The following SIK3 variants were observed in gnomAD, a reference collection of about 807,000 sequenced individuals.
The protein encoded by SIK3 is serine/threonine-protein kinase SIK3.
In SIK3, 28 loss-of-function variants were observed where a neutral mutation model predicts 144.2. That is an observed-to-expected ratio of 0.19 (90% CI 0.14 to 0.27). The LOEUF (loss-of-function observed/expected upper bound fraction) is 0.27, where lower values mean the gene tolerates loss of function less well. Among genes scored for constraint, SIK3 ranks in the 10% least tolerant of loss-of-function variants. SIK3 has a pLI of 1.00. For synonymous variants in SIK3, 686 were observed against 676.3 expected (o/e 1.01, Z -0.22); for missense variants, 1,319 against 1,776.0 (o/e 0.74, Z 4.62).
intron 1 of SIK3, among the ~76,000 whole-genome samples, chr11:116,972,086 CAA>C (rs35775477): frequency 8.1e-4 from 91 of 111,934 alleles, no homozygotes; most frequent in African/African-American, 9.1e-4. Context: ...GACTCGGTCT[CAA>C]AAAAAAAAAA....
In SIK3 at chr11:116,862,190, G is replaced by A; in HGVS notation, c.2229+12C>T. On this transcript the variant is annotated intron_variant, in intron 17 of 24. Coordinates refer to ENST00000445177, the MANE Select transcript of SIK3 (RefSeq NM_001366686.3). ...CCAAACAAGTTGGAGAAAGCAAAGA[G>A]TGAGGGCCTACTTGAATTTGTTGCT... The A allele has an allele frequency of 6.2e-7, 1 of 1,614,206 alleles. No homozygotes were observed.
chr11:117,017,432 T>C (rs1951584610), intron 1 of SIK3, among the ~76,000 whole-genome samples: 1 of 151,954 alleles, frequency 6.6e-6, no homozygotes, highest in African/African-American at 2.4e-5. Context: ...TATTTTATTA[T>C]ACACTTTTCA....
At chr11:117,010,867 C>T (rs1193729872) in intron 1 of SIK3, among the ~76,000 whole-genome samples, 1 of 152,142 alleles carries the variant, frequency 6.6e-6, no homozygotes, top group Non-Finnish European at 1.5e-5. Flanking sequence ...TACCTGTAAT[C>T]CCAGCACTTT....
chr11:116,973,641 A>C (rs1236299441), intron 1 of SIK3, among the ~76,000 whole-genome samples: 1 of 152,246 alleles, frequency 6.6e-6, no homozygotes, highest in African/African-American at 2.4e-5. Flanking sequence ...AAAACTTGAC[A>C]AACACTACCT....
In SIK3 at chr11:116,846,525, C is replaced by T. The variant is rs1236524300; in HGVS notation, c.3981G>A (p.Glu1327=). The T allele has an allele frequency of 1.9e-6, 3 of 1,614,116 alleles. No individual in the cohort carries two copies. Among genetic ancestry groups the T allele is most frequent in the Non-Finnish European group, 2.5e-6 (3 of 1,179,996 alleles). The change falls in exon 24 of 25, where the codon GAG becomes GAA. Residue 1327 remains glutamate, a synonymous_variant. Transcript: ENST00000445177. This position sits in a 1 kb window ranked among gnomAD's most constrained non-coding sequence, Gnocchi z 4.1. ...EECGASLGGH[E]HPDLSDGSQH... The stretch of plus-strand genomic sequence containing the variant: ...GGCTGCCATCACTCAGGTCTGGGTG[C>T]TCATGACCTCCCAGGCTTGCCCCAC...
intron 4 of SIK3, among the ~76,000 whole-genome samples, chr11:116,906,270 AAGG>A (rs895634954): frequency 6.6e-6 from 1 of 152,228 alleles, no homozygotes; most frequent in African/African-American, 2.4e-5. Context: ...GATGAAAAAG[AAGG>A]AGAAGTAGAG....
chr11:116,855,400 C>CCCA (rs1292753526), intron 21 of SIK3: 1 of 152,230 alleles, frequency 6.6e-6, no homozygotes, highest in African/African-American at 2.4e-5. Flanking sequence ...CTCTGGTGCG[C>CCCA]CCACAGCACT....
intron 6 of SIK3, among the ~76,000 whole-genome samples, chr11:116,881,940 A>G (rs186343060): frequency 6.6e-6 from 1 of 151,150 alleles, no homozygotes; most frequent in East Asian, 2.0e-4. Flanking sequence ...TGATCAGATA[A>G]TAAGAGGCCA....
chr11:116,916,093 G>A (rs1946619257), intron 4 of SIK3, among the ~76,000 whole-genome samples: 1 of 152,166 alleles, frequency 6.6e-6, no homozygotes, highest in South Asian at 2.1e-4. Flanking sequence ...CACTTTGTAT[G>A]ACATGAATCT....
intron 1 of SIK3, among the ~76,000 whole-genome samples, chr11:116,987,791 A>C (rs1950371397): frequency 6.6e-6 from 1 of 152,224 alleles, no homozygotes; most frequent in Non-Finnish European, 1.5e-5. Flanking sequence ...TGTATTTTTA[A>C]ACTGAAATAT....
chr11:117,052,297 A>G (rs1349500967), intron 1 of SIK3, among the ~76,000 whole-genome samples: 1 of 152,158 alleles, frequency 6.6e-6, no homozygotes. Context: ...AGTCAAAGTA[A>G]GGCTTTATAA....
intron 4 of SIK3, among the ~76,000 whole-genome samples, chr11:116,927,000 G>A (rs562409279): frequency 2.8e-5 from 4 of 141,836 alleles, no homozygotes; most frequent in Non-Finnish European, 4.5e-5. Context: ...CAGCCTGGGC[G>A]ACAATGAGAC....
At chr11:117,091,091 C>CT (rs1293459097) in intron 1 of SIK3, among the ~76,000 whole-genome samples, 2 of 151,570 alleles carry the variant, frequency 1.3e-5, no homozygotes, top group Non-Finnish European at 2.9e-5. Flanking sequence ...CACTAACTAC[C>CT]TATAAGACTC....
intron 6 of SIK3, among the ~76,000 whole-genome samples, chr11:116,895,833 T>A (rs1171782941): frequency 6.6e-6 from 1 of 152,150 alleles, no homozygotes; most frequent in South Asian, 2.1e-4. Context: ...TAAAACCACA[T>A]TGCAATGAGA....
In SIK3 at chr11:116,858,142, T is replaced by C. The variant is rs1257987223; in HGVS notation, c.3323A>G (p.Gln1108Arg). ...ADSYHHHTSPQHLLQIRAQEC... is the reference protein window; with the variant it reads ...ADSYHHHTSPRHLLQIRAQEC... The stretch of plus-strand genomic sequence containing the variant: ...TTGTGCCCTGATTTGTAGCAGATGC[T>C]GGGGGCTGGTGTGATGGTGATAAGA... Residue 1108 changes from glutamine (Q) to arginine (R), a missense_variant, in exon 21 of 25, where the codon CAG becomes CGG. Transcript: ENST00000445177. This position sits in a 1 kb window ranked among gnomAD's most constrained non-coding sequence, Gnocchi z 5.4. 9 of 1,614,042 alleles carry C rather than the reference T, an allele frequency of 5.6e-6. No individual in the cohort carries two copies. Among genetic ancestry groups the C allele is most frequent in the Non-Finnish European group, 7.6e-6 (9 of 1,180,036 alleles).
intron 1 of SIK3, among the ~76,000 whole-genome samples, chr11:116,996,109 A>C (rs1317158481): frequency 6.6e-6 from 1 of 152,152 alleles, no homozygotes; most frequent in African/African-American, 2.4e-5. Flanking sequence ...GGAGTTCGAG[A>C]CCTGCCTGGC....
intron 1 of SIK3, among the ~76,000 whole-genome samples, chr11:117,025,531 T>C (rs1427042680): frequency 6.6e-6 from 1 of 152,090 alleles, no homozygotes; most frequent in Non-Finnish European, 1.5e-5. Flanking sequence ...CTGCAACTTC[T>C]GCCTCCCAGG....
intron 1 of SIK3, among the ~76,000 whole-genome samples, chr11:116,996,819 CAAAAAA>C (rs11329513): frequency 8.6e-4 from 50 of 58,406 alleles, no homozygotes; most frequent in African/African-American, 2.4e-3. Context: ...GACTCTCTCT[CAAAAAA>C]AAAAAAAAAA....
chr11:116,926,384 G>T (rs1032345441), intron 4 of SIK3, among the ~76,000 whole-genome samples: 2 of 152,174 alleles, frequency 1.3e-5, no homozygotes, highest in African/African-American at 4.8e-5. Flanking sequence ...AGCATGAACA[G>T]ATCAAGGCAG....
Sources: allele counts gnomAD v4.1 joint callset (sites outside exome capture counted in the v4.1 genomes callset), GRCh38; gene constraint gnomAD v4.1.1; non-coding constraint Gnocchi (gnomAD v3.1); transcripts MANE v1.5; gene names NCBI Gene and HGNC (gene_info 2026-07-23, HGNC 2026-07-21).